The following DAB1 variants were observed in gnomAD, a reference collection of about 807,000 sequenced individuals.
DAB1 encodes disabled homolog 1.
DAB1 carries 15 observed loss-of-function variants against 64.6 expected under a neutral mutation model. That is an observed-to-expected ratio of 0.23 (90% confidence interval 0.16 to 0.36). DAB1 has a LOEUF of 0.36. Ranked by LOEUF, DAB1 falls within the 10% of genes least tolerant of loss-of-function variation. The pLI, the probability that DAB1 is intolerant of heterozygous loss-of-function variation, is 1.00. For synonymous variants in DAB1, 235 were observed against 251.9 expected, an observed-to-expected ratio of 0.93 and a Z score of 0.64; for missense variants, 596 against 706.7, an observed-to-expected ratio of 0.84 and a Z score of 1.78.
At chr1:58,207,652 C>G (rs976708204) in intron 4 of DAB1, among the ~76,000 whole-genome samples, 1 of 152,184 alleles carries the variant, frequency 6.6e-6, no homozygotes, top group Non-Finnish European at 1.5e-5. Context: ...GCTGGACAAC[C>G]TGAAATGGTT....
intron 5 of DAB1, among the ~76,000 whole-genome samples, chr1:57,976,965 C>A (rs1325367783): frequency 3.3e-5 from 5 of 152,180 alleles, no homozygotes; most frequent in African/African-American, 1.2e-4. Context: ...TGCCTCTGGT[C>A]TCCTAACACT....
chr1:57,538,241 C>T (rs1644754440), intron 7 of DAB1, among the ~76,000 whole-genome samples: 1 of 152,162 alleles, frequency 6.6e-6, no homozygotes, highest in Non-Finnish European at 1.5e-5. Context: ...GCTCCTGTTT[C>T]TACCTCTGGC....
intron 5 of DAB1, chr1:58,048,489 T>G: frequency 7.7e-7 from 1 of 1,295,770 alleles, no homozygotes; most frequent in Non-Finnish European, 1.1e-6. Context: ...TGTCCACCAC[T>G]TCCATAGCCT....
chr1:57,436,001 C>T (rs1018966953), intron 7 of DAB1, among the ~76,000 whole-genome samples: 1 of 145,526 alleles, frequency 6.9e-6, no homozygotes, highest in Non-Finnish European at 1.5e-5. Context: ...ACTGCAACTT[C>T]TGCCTCCCGG....
intron 2 of DAB1, among the ~76,000 whole-genome samples, chr1:58,514,554 T>C (rs879936211): frequency 2.0e-5 from 3 of 152,106 alleles, no homozygotes; most frequent in Non-Finnish European, 4.4e-5. Flanking sequence ...ATCTGAATCT[T>C]TTTTTAGGAA....
chr1:57,731,238 G>T (rs533958133), intron 6 of DAB1, among the ~76,000 whole-genome samples: 38 of 152,216 alleles, frequency 2.5e-4, no homozygotes, highest in Non-Finnish European at 5.1e-4. Flanking sequence ...AATATTGCAT[G>T]ATTCCACTTA....
chr1:58,444,636 G>A (rs2100276092), intron 3 of DAB1, among the ~76,000 whole-genome samples: 1 of 152,312 alleles, frequency 6.6e-6, no homozygotes, highest in Non-Finnish European at 1.5e-5. Context: ...GCATGTTTCT[G>A]CCCCGAAGTG....
chr1:58,009,701 T>C (rs1243868812), intron 5 of DAB1, among the ~76,000 whole-genome samples: 1 of 152,206 alleles, frequency 6.6e-6, no homozygotes, highest in Non-Finnish European at 1.5e-5. Flanking sequence ...AAGCAAGGTG[T>C]GTGTTCTACT....
Position 58,422,228 on chromosome 1 carries a change from C to A in DAB1, n.258-78825G>T, listed in dbSNP as rs79321066. On this transcript the variant is annotated intron_variant and non_coding_transcript_variant, in intron 3 of 20. Coordinates refer to the DAB1 transcript ENST00000485760. ...TCACGCCTAACTTACAGGGTTGTCA[C>A]GAGAATTGAATGAAGAAATAATTCA... Among the ~76,000 whole-genome samples, 4 of 151,052 alleles carry A rather than the reference C, an allele frequency of 2.6e-5. No homozygotes were observed. The East Asian group carries it at 7.7e-4, about 29-fold the overall frequency.
chr1:58,545,929 C>A (rs985671335), intron 1 of DAB1, among the ~76,000 whole-genome samples: 1 of 152,204 alleles, frequency 6.6e-6, no homozygotes, highest in East Asian at 1.9e-4. Context: ...CACCCCTTCA[C>A]CCCGGCTGAG....
intron 7 of DAB1, among the ~76,000 whole-genome samples, chr1:57,580,864 C>T (rs1645305009): frequency 6.6e-6 from 1 of 152,198 alleles, no homozygotes; most frequent in Non-Finnish European, 1.5e-5. Flanking sequence ...GGTGAACAGA[C>T]TTGCCCATGG....
chr1:57,384,707 G>C (rs574799928), intron 1 of DAB1, among the ~76,000 whole-genome samples: 1 of 152,256 alleles, frequency 6.6e-6, no homozygotes, highest in African/African-American at 2.4e-5. Context: ...AAAGTAGAAT[G>C]GTAGCTGCCA....
In DAB1 at chr1:57,890,052, G is replaced by A. The variant is rs74796591; in HGVS notation, n.388-5890C>T. ...AAAGAAGAGATAGAAAGCAGGAAGA[G>A]TGGCAATGGAGCCCACGGTCGAGTG... On this transcript the variant is annotated intron_variant and non_coding_transcript_variant, in intron 5 of 20. Coordinates refer to the DAB1 transcript ENST00000485760. Among the ~76,000 whole-genome samples the A allele has an allele frequency of 8.2e-3, 1,255 of 152,248 alleles. 12 individuals are homozygous for A. The highest frequency in any genetic ancestry group is 0.048 in the Middle Eastern group (14 of 294).
At chr1:57,922,861 A>C (rs1644829273) in intron 5 of DAB1, among the ~76,000 whole-genome samples, 1 of 150,456 alleles carries the variant, frequency 6.6e-6, no homozygotes, top group Non-Finnish European at 1.5e-5. Context: ...AAAAAAAAAA[A>C]AAAAAAAGAT....
chr1:57,867,784 C>T (rs1193114108), intron 1 of DAB1, among the ~76,000 whole-genome samples: 1 of 152,156 alleles, frequency 6.6e-6, no homozygotes, highest in African/African-American at 2.4e-5. Flanking sequence ...CACCAGATTG[C>T]AAATCCAGTG....
At position 57,614,723 on chromosome 1, in the gene DAB1, G is replaced by C. The variant is rs559562872; in HGVS notation, n.625+34869C>G. ...TGGACTCCTTCTCTTTGTAAATTTAGTTTTACTGTTTCTTAACATCCTAGG... is the reference window on the plus strand; with the variant it reads ...TGGACTCCTTCTCTTTGTAAATTTACTTTTACTGTTTCTTAACATCCTAGG... On this transcript the variant is annotated intron_variant and non_coding_transcript_variant, in intron 7 of 20. Coordinates refer to the DAB1 transcript ENST00000485760. 1.2e-4 allele frequency among the ~76,000 whole-genome samples: 19 copies of C among 152,168 alleles called. 1 individual carries two copies. The South Asian group carries it at 3.9e-3, about 32-fold the overall frequency.
intron 5 of DAB1, among the ~76,000 whole-genome samples, chr1:58,112,858 A>G (rs1652058636): frequency 6.6e-6 from 1 of 152,174 alleles, no homozygotes; most frequent in Admixed American, 6.6e-5. Context: ...CCACGCAGAA[A>G]ATGGAAGCCT....
At chr1:57,263,354 A>G in intron 2 of DAB1, among the ~76,000 whole-genome samples, 1 of 152,108 alleles carries the variant, frequency 6.6e-6, no homozygotes, top group Non-Finnish European at 1.5e-5. Context: ...TCCTGACCTC[A>G]GGTGATCTGC....
At chr1:58,122,061 G>A (rs1652773559) in intron 5 of DAB1, among the ~76,000 whole-genome samples, 2 of 152,176 alleles carry the variant, frequency 1.3e-5, no homozygotes, top group South Asian at 2.1e-4. Context: ...AGACAAATGG[G>A]ACTGTTCTTG....
Sources: gnomAD v4.1 joint callset for allele counts (sites outside exome capture counted in the v4.1 genomes callset) on GRCh38, gnomAD v4.1.1 for gene constraint, MANE v1.5 for transcripts, NCBI Gene and HGNC (gene_info 2026-07-23, HGNC 2026-07-21) for gene names.